BARD1: variants seen among roughly 807,000 people sequenced by gnomAD.
The protein encoded by BARD1 is BRCA1-associated RING domain protein 1.
A neutral mutation model predicts 77.0 loss-of-function variants in BARD1; 73 were observed. The ratio of observed to expected loss-of-function variants is 0.95; its 90% CI spans 0.79 to 1.15. The LOEUF is 1.15. Ranked by LOEUF, BARD1 falls within the 50% of genes most tolerant of loss-of-function variation. The pLI is 0.00. For missense variants in BARD1, 993 were observed against 938.8 expected (o/e 1.06, Z -0.75); for synonymous variants, 384 against 338.0 (o/e 1.14, Z -1.49).
chr2:214,752,607 TC>T (rs1459333145), intron 6 of BARD1, 52 bp from the exon 7 acceptor site: 1 of 1,296,714 alleles, frequency 7.7e-7, no homozygotes, highest in African/African-American at 1.5e-5. Context: ...GTGACTCGAC[TC>T]AATTTTTCAA....
rs138924008 is a variant in BARD1, at chr2:214,804,271, T to C, written c.158+5141A>G. Among the ~76,000 whole-genome samples the C allele has an allele frequency of 1.2e-4, 18 of 152,352 alleles. No individual in the cohort carries two copies. In the East Asian group the frequency reaches 3.3e-3, roughly 28 times the overall value. ...GGGGATTCTTAGCAATTCATGTAAATTAACTAGATCTTCTGGTATTACCAC... is the reference window on the plus strand; with the variant it reads ...GGGGATTCTTAGCAATTCATGTAAACTAACTAGATCTTCTGGTATTACCAC... On this transcript the variant is annotated intron_variant, in intron 1 of 10. Coordinates refer to ENST00000260947, the MANE Select transcript of BARD1 (RefSeq NM_000465.4).
At chr2:214,808,791 A>T (rs1420153262) in intron 1 of BARD1, among the ~76,000 whole-genome samples, 1 of 152,264 alleles carries the variant, frequency 6.6e-6, no homozygotes, top group African/African-American at 2.4e-5. Flanking sequence ...AACAATAAAC[A>T]GCATCACTAA....
At chr2:214,790,042 AATG>A (rs958394849) in intron 3 of BARD1, among the ~76,000 whole-genome samples, 2 of 152,170 alleles carry the variant, frequency 1.3e-5, no homozygotes, top group Non-Finnish European at 2.9e-5. Context: ...AAATATCTTT[AATG>A]ATGAAATATG....
chr2:214,751,142 TATATATA>T (rs1693420120), intron 7 of BARD1, among the ~76,000 whole-genome samples: 13 of 46,588 alleles, frequency 2.8e-4, no homozygotes, highest in African/African-American at 5.1e-4. Context: ...TATATATATA[TATATATA>T]TATTTTTTTT....
At chr2:214,761,511 ATTT>A (rs940832822) in intron 6 of BARD1, among the ~76,000 whole-genome samples, 5 of 152,184 alleles carry the variant, frequency 3.3e-5, no homozygotes, top group Non-Finnish European at 7.4e-5. Flanking sequence ...ATTATTTAAT[ATTT>A]TTAAATGTAT....
intron 4 of BARD1, among the ~76,000 whole-genome samples, chr2:214,770,305 C>T (rs1694421088): frequency 6.6e-6 from 1 of 152,200 alleles, no homozygotes; most frequent in African/African-American, 2.4e-5. Context: ...TGTAATGTAG[C>T]CTTACAAGTC....
intron 3 of BARD1, among the ~76,000 whole-genome samples, chr2:214,786,332 A>AT (rs555870999): frequency 2.8e-4 from 42 of 152,036 alleles, no homozygotes; most frequent in African/African-American, 1.0e-3. Flanking sequence ...ATCATCTATT[A>AT]TTTTTTATTT....
intron 1 of BARD1, among the ~76,000 whole-genome samples, chr2:214,807,731 G>A (rs903473085): frequency 1.6e-4 from 9 of 56,356 alleles, no homozygotes; most frequent in Non-Finnish European, 2.5e-4. Context: ...ACTCATATCC[G>A]GAAAATGAGA....
Position 214,741,753 on chromosome 2 carries a change from T to C in BARD1, c.1903+3314A>G, listed in dbSNP as rs546167930. ...AATATAAGATAGACTGGATGGTCTG[T>C]AAAATTATGGCTTAGTCTCAGAATC... is the stretch of plus-strand genomic sequence containing the variant. On this transcript the variant is annotated intron_variant, in intron 9 of 10. Coordinates refer to ENST00000260947, the MANE Select transcript of BARD1 (RefSeq NM_000465.4). 2.0e-5 allele frequency among the ~76,000 whole-genome samples: 3 copies of C among 152,328 alleles called. No homozygotes were observed. In the East Asian group the frequency reaches 5.8e-4, roughly 29 times the overall value.
At position 214,745,084 on chromosome 2, in the gene BARD1, C is replaced by T. The variant is rs747446711; in HGVS notation, c.1886G>A (p.Trp629Ter). ...ACACTTACATTCAAATTTTAGAATCCAGCATCCATTGAGAATCCCAAGCAT... is the reference window on the plus strand; with the variant it reads ...ACACTTACATTCAAATTTTAGAATCTAGCATCCATTGAGAATCCCAAGCAT... The part of the protein sequence containing the change: ...KCMLGILNGC[W>*]ILKFEWVKAC... Residue 629 changes from tryptophan to a stop codon, truncating the protein, a stop_gained, in exon 9 of 11, where the codon TGG (tryptophan) becomes TAG (stop). Coordinates refer to ENST00000260947, the MANE Select transcript of BARD1 (RefSeq NM_000465.4). LOFTEE classifies it high-confidence loss of function. The T allele has an allele frequency of 6.2e-7, 1 of 1,613,784 alleles. No individual in the cohort carries two copies. The highest frequency in any genetic ancestry group is 1.1e-5 in the South Asian group (1 of 91,064).
At chr2:214,795,935 C>T (rs1397925651) in intron 2 of BARD1, among the ~76,000 whole-genome samples, 3 of 152,122 alleles carry the variant, frequency 2.0e-5, no homozygotes, top group Non-Finnish European at 4.4e-5. Context: ...GGATATCCCT[C>T]GTATAACAGA....
chr2:214,772,537 G>T (rs1025145244), intron 4 of BARD1, among the ~76,000 whole-genome samples: 2 of 151,996 alleles, frequency 1.3e-5, no homozygotes, highest in African/African-American at 2.4e-5. Flanking sequence ...AAACAGAAAC[G>T]GAGTGACAAT....
intron 5 of BARD1, among the ~76,000 whole-genome samples, chr2:214,768,255 T>C (rs976098018): frequency 6.6e-6 from 1 of 151,474 alleles, no homozygotes; most frequent in African/African-American, 2.4e-5. Flanking sequence ...CTATAAACAA[T>C]GCTGTATTCT....
At chr2:214,730,958 G>A (rs749139074) in intron 9 of BARD1, 5 of 454,070 alleles carry the variant, frequency 1.1e-5, no homozygotes, top group Admixed American at 4.7e-5. Flanking sequence ...CTGTTAAACT[G>A]TAAGTGATTT....
At chr2:214,795,219 T>C (rs10206069) in intron 2 of BARD1, among the ~76,000 whole-genome samples, 10,707 of 152,220 alleles carry the variant, frequency 0.07, 534 homozygotes, top group Non-Finnish European at 0.11. Context: ...ACATTTCAGC[T>C]GATATATAAC....
chr2:214,776,819 A>G (rs76613311), intron 4 of BARD1, among the ~76,000 whole-genome samples: 2,279 of 152,274 alleles, frequency 0.015, 47 homozygotes, highest in African/African-American at 0.052. Flanking sequence ...CAAGTAGCCC[A>G]ATTTAATCGT....
chr2:214,748,892 A>G (rs909814444), intron 7 of BARD1, among the ~76,000 whole-genome samples: 12 of 152,150 alleles, frequency 7.9e-5, no homozygotes, highest in African/African-American at 2.9e-4. Flanking sequence ...AACACTCAGT[A>G]TGTGCCAAAC....
intron 4 of BARD1, among the ~76,000 whole-genome samples, chr2:214,778,663 T>C (rs1694841760): frequency 6.6e-6 from 1 of 152,132 alleles, no homozygotes; most frequent in African/African-American, 2.4e-5. Flanking sequence ...GTACGTAAGT[T>C]TTATTAGTTT....
intron 1 of BARD1, among the ~76,000 whole-genome samples, chr2:214,805,925 G>A (rs566068076): frequency 2.0e-5 from 3 of 152,252 alleles, no homozygotes; most frequent in Admixed American, 2.0e-4. Context: ...ACAAAACAGT[G>A]TTATATGACA....
Sources: allele counts gnomAD v4.1 joint callset (sites outside exome capture counted in the v4.1 genomes callset), GRCh38; gene constraint gnomAD v4.1.1; transcripts MANE v1.5; gene names NCBI Gene and HGNC (gene_info 2026-07-23, HGNC 2026-07-21).